The following WSCD2 variants were observed in gnomAD, a reference collection of about 807,000 sequenced individuals.
The protein encoded by WSCD2 is sialate:O-sulfotransferase 2.
A neutral mutation model predicts 55.7 loss-of-function variants in WSCD2; 28 were observed. That is an observed-to-expected ratio of 0.50 (90% confidence interval 0.37 to 0.69). The LOEUF is 0.69. Ranked by LOEUF, WSCD2 falls within the 30% of genes least tolerant of loss-of-function variation. The pLI is 0.00. For missense variants in WSCD2, 616 were observed against 762.1 expected, an observed-to-expected ratio of 0.81 and a Z score of 2.26; for synonymous variants, 301 against 301.9, an observed-to-expected ratio of 1.00 and a Z score of 0.03.
rs375464551 is a variant in WSCD2 at position 108,215,000 on chromosome 12, G to A, written c.682+4695G>A. Among the ~76,000 whole-genome samples, 14 of 152,172 alleles carry A rather than the reference G, an allele frequency of 9.2e-5. No homozygotes were observed. In the South Asian group the frequency reaches 2.9e-3, roughly 31 times the overall value. ...TGAGGGGAACCCTCAGATGATTAGG[G>A]GACAGTCACATTTGCTGGAATGGAC... On this transcript the variant is annotated intron_variant, in intron 4 of 8. Coordinates refer to ENST00000547525, the MANE Select transcript of WSCD2 (RefSeq NM_014653.4).
At chr12:108,198,894 T>C (rs1340237851) in intron 2 of WSCD2, among the ~76,000 whole-genome samples, 1 of 152,228 alleles carries the variant, frequency 6.6e-6, no homozygotes, top group Non-Finnish European at 1.5e-5. Context: ...AAGAAATCAC[T>C]TACCGTAGTT....
intron 7 of WSCD2, 25 bp downstream of exon 7, chr12:108,232,920 G>A: frequency 6.2e-7 from 1 of 1,602,616 alleles, no homozygotes; most frequent in Non-Finnish European, 8.5e-7. Flanking sequence ...GGGAGGGCAG[G>A]GCAAGAGGTT....
chr12:108,153,474 T>C (rs1186340446), intron 1 of WSCD2, among the ~76,000 whole-genome samples: 1 of 152,186 alleles, frequency 6.6e-6, no homozygotes, highest in Non-Finnish European at 1.5e-5. Context: ...CTGCATTTTC[T>C]GCAGTATCAG....
At chr12:108,203,571 A>T (rs1234619570) in intron 2 of WSCD2, among the ~76,000 whole-genome samples, 1 of 152,216 alleles carries the variant, frequency 6.6e-6, no homozygotes, top group African/African-American at 2.4e-5. Flanking sequence ...CTGCTGATGG[A>T]AAAACCTATC....
At position 108,237,867 on chromosome 12, in the gene WSCD2, T is replaced by C. The variant is rs2137217539; in HGVS notation, c.1145-2477T>C. On this transcript the variant is annotated intron_variant, in intron 7 of 8. Transcript: ENST00000547525. ...ACCCCATCATGAACAAATAGAAATA[T>C]TGTAACTTGGGTCTCCCAATGCATG... Among the ~76,000 whole-genome samples the C allele has an allele frequency of 2.0e-5, 3 of 152,350 alleles. No homozygotes were observed. The East Asian group carries it at 5.8e-4, about 29-fold the overall frequency.
In WSCD2 at chr12:108,248,550, T is replaced by C. The variant is rs996836167; in HGVS notation, c.*207T>C. ...AGGCACTACCACTCTGCTCACATGT[T>C]CCCCCCTTGGCAATGTGGGGCATCT... On this transcript the variant is annotated 3_prime_UTR_variant, in exon 9 of 9. Coordinates refer to ENST00000547525, the MANE Select transcript of WSCD2 (RefSeq NM_014653.4). This position sits in a 1 kb window ranked among gnomAD's most constrained non-coding sequence, Gnocchi z 4.3. The C allele has an allele frequency of 6.5e-6, 9 of 1,381,682 alleles. No individual in the cohort carries two copies. Among genetic ancestry groups the C allele is most frequent in the Non-Finnish European group, 7.5e-6 (8 of 1,069,210 alleles). The allele number at this position is 1,381,682 out of a possible 1,614,324, so 85.6% of individuals were successfully genotyped here.
At chr12:108,204,997 A>G (rs1016672664) in intron 2 of WSCD2, among the ~76,000 whole-genome samples, 1 of 152,196 alleles carries the variant, frequency 6.6e-6, no homozygotes, top group African/African-American at 2.4e-5. Context: ...TCCCCGGTCT[A>G]ACCTCCAGTT....
At chr12:108,211,667 T>TATATATATA (rs1886198170) in intron 4 of WSCD2, among the ~76,000 whole-genome samples, 1 of 143,060 alleles carries the variant, frequency 7.0e-6, no homozygotes, top group African/African-American at 2.8e-5. Context: ...ATATATATAT[T>TATATATATA]TTTTGAGACA....
chr12:108,183,871 A>G (rs542047405), intron 1 of WSCD2, among the ~76,000 whole-genome samples: 1 of 152,320 alleles, frequency 6.6e-6, no homozygotes, highest in East Asian at 1.9e-4. Context: ...TGACCTCTCC[A>G]GGCCTTGGTT....
rs1196786328 is a variant in WSCD2, at chr12:108,249,549, A to G, written c.*1206A>G. The G allele has an allele frequency of 6.6e-6, 1 of 152,598 alleles. No homozygotes were observed. The highest frequency in any genetic ancestry group is 1.9e-4 in the East Asian group (1 of 5,180). 9.5% of individuals were successfully genotyped at this position (152,598 alleles called of 1,614,324 possible). On this transcript the variant is annotated 3_prime_UTR_variant, in exon 9 of 9. Coordinates refer to ENST00000547525, the MANE Select transcript of WSCD2 (RefSeq NM_014653.4). ...TCCCATCTCTTCCCCAACCCTGGAT[A>G]CCAGTAGCTTCCCACCCAGTCCAAA...
intron 2 of WSCD2, among the ~76,000 whole-genome samples, chr12:108,203,191 G>A (rs1258845105): frequency 1.3e-5 from 2 of 152,192 alleles, no homozygotes; most frequent in Non-Finnish European, 2.9e-5. Context: ...AATCCACCTT[G>A]AACTAGCTTA....
At chr12:108,211,596 G>A (rs1324051250) in intron 4 of WSCD2, among the ~76,000 whole-genome samples, 1 of 148,500 alleles carries the variant, frequency 6.7e-6, no homozygotes, top group East Asian at 2.0e-4. Flanking sequence ...CTCATTGTTT[G>A]TTTGCTTGAA....
chr12:108,175,540 G>A (rs1453511995), intron 1 of WSCD2, among the ~76,000 whole-genome samples: 2 of 152,250 alleles, frequency 1.3e-5, no homozygotes, highest in African/African-American at 4.8e-5. Flanking sequence ...AGCAGGGGGT[G>A]GTGGCTGCCT....
At chr12:108,239,606 C>T (rs1043624975) in intron 7 of WSCD2, among the ~76,000 whole-genome samples, 2 of 152,226 alleles carry the variant, frequency 1.3e-5, no homozygotes, top group Admixed American at 1.3e-4. Flanking sequence ...CAGGAAGTCA[C>T]ATGGCCATGC....
rs754004641 is a variant in WSCD2 at position 108,196,181 on chromosome 12, G to A, written c.349G>A (p.Gly117Arg). Residue 117 changes from glycine to arginine, a missense_variant, in exon 2 of 9, where the codon GGG becomes AGG. Transcript: ENST00000547525. ...YGGAWSRALK[G>R]RVVREKEEER... is the part of the protein sequence containing the mutation. Reference sequence around the variant, plus strand: ...TGGAGCCTGGAGCCGAGCCCTCAAGGGGAGGGTTGTCCGGGAGAAGGAGGA... The same window carrying A: ...TGGAGCCTGGAGCCGAGCCCTCAAGAGGAGGGTTGTCCGGGAGAAGGAGGA... The A allele has an allele frequency of 6.2e-7, 1 of 1,613,898 alleles. No homozygotes were observed. The highest frequency in any genetic ancestry group is 1.3e-5 in the African/African-American group (1 of 74,936).
intron 1 of WSCD2, among the ~76,000 whole-genome samples, chr12:108,145,698 C>T (rs1036594212): frequency 1.3e-5 from 2 of 152,120 alleles, no homozygotes; most frequent in African/African-American, 4.8e-5. Context: ...ATACTCATAA[C>T]TGTGAAAAAC....
chr12:108,162,060 A>G (rs947009885), intron 1 of WSCD2, among the ~76,000 whole-genome samples: 7 of 152,268 alleles, frequency 4.6e-5, no homozygotes, highest in Non-Finnish European at 7.4e-5. Flanking sequence ...CGCTTGCCCA[A>G]CATTGCACAG....
chr12:108,245,026 T>C (rs1889988113), intron 8 of WSCD2, among the ~76,000 whole-genome samples: 1 of 152,206 alleles, frequency 6.6e-6, no homozygotes, highest in Admixed American at 6.5e-5. Context: ...CTATTATGAA[T>C]AGTGCTGCAC....
chr12:108,186,297 C>G (rs929426222), intron 1 of WSCD2, among the ~76,000 whole-genome samples: 7 of 152,192 alleles, frequency 4.6e-5, no homozygotes, highest in Non-Finnish European at 1.0e-4. Context: ...CAGCCTCCCC[C>G]TCCATCAACA....
Sources: gnomAD v4.1 joint callset for allele counts (sites outside exome capture counted in the v4.1 genomes callset) on GRCh38, gnomAD v4.1.1 for gene constraint, Gnocchi (gnomAD v3.1) non-coding constraint, MANE v1.5 for transcripts, NCBI Gene and HGNC (gene_info 2026-07-23, HGNC 2026-07-21) for gene names.